The following VPS13B variants were observed in gnomAD, a reference collection of about 807,000 sequenced individuals.
The protein encoded by VPS13B is vacuolar protein sorting 13 homolog B, also known as intermembrane lipid transfer protein VPS13B.
Under a neutral mutation model 426.4 loss-of-function variants are expected in VPS13B, and 285 were observed. The observed-to-expected ratio is 0.67, with a 90% CI of 0.61 to 0.74. The LOEUF (loss-of-function observed/expected upper bound fraction) is 0.74, where lower values mean the gene tolerates loss of function less well. Among genes scored for constraint, VPS13B ranks in the 30% least tolerant of loss-of-function variants. The probability of loss-of-function intolerance (pLI) is 0.00; values close to 1 mark genes in which losing one functional copy is unlikely to be tolerated. For missense variants in VPS13B, 4,537 were observed against 4,782.6 expected, an observed-to-expected ratio of 0.95 and a Z score of 1.51; for synonymous variants, 1,676 against 1,676.4, an observed-to-expected ratio of 1.00 and a Z score of 0.01.
chr8:99,722,486 A>T (rs570457024), intron 39 of VPS13B, among the ~76,000 whole-genome samples: 1 of 151,542 alleles, frequency 6.6e-6, no homozygotes, highest in African/African-American at 2.4e-5. Flanking sequence ...AATATAAGTC[A>T]TATTACAATC....
At chr8:99,631,340 T>C (rs1330467115) in intron 33 of VPS13B, among the ~76,000 whole-genome samples, 1 of 152,128 alleles carries the variant, frequency 6.6e-6, no homozygotes, top group East Asian at 1.9e-4. Flanking sequence ...TAGAACATTG[T>C]CTCTAATCAT....
intron 17 of VPS13B, among the ~76,000 whole-genome samples, chr8:99,230,443 G>T (rs1816261173): frequency 1.3e-5 from 2 of 152,250 alleles, no homozygotes; most frequent in Non-Finnish European, 2.9e-5. Context: ...GGAAATTTTA[G>T]ATCTCATTCC....
rs71619347 is a variant in VPS13B, at chr8:99,427,229, T to C, written c.3083-4308T>C. On this transcript the variant is annotated intron_variant, in intron 21 of 61. Coordinates refer to ENST00000357162, the MANE Select transcript of VPS13B (RefSeq NM_152564.5). ...GTCAAAGATCAGATAGTTGTAGGTA[T>C]GCGGCATTATTTCTGAGGGCTCTGT... Among the ~76,000 whole-genome samples, 6 of 88,142 alleles carry C rather than the reference T, an allele frequency of 6.8e-5. No homozygotes were observed. The East Asian group carries it at 1.8e-3, about 27-fold the overall frequency. 57.8% of individuals were successfully genotyped at this position (88,142 alleles called of 152,430 possible).
intron 33 of VPS13B, among the ~76,000 whole-genome samples, chr8:99,636,567 A>G (rs1829078134): frequency 6.6e-6 from 1 of 152,036 alleles, no homozygotes; most frequent in Admixed American, 6.6e-5. Context: ...TCATATGTTA[A>G]GAGTACACAT....
At chr8:99,748,998 C>T (rs1395610794) in intron 39 of VPS13B, among the ~76,000 whole-genome samples, 1 of 151,758 alleles carries the variant, frequency 6.6e-6, no homozygotes, top group Non-Finnish European at 1.5e-5. Context: ...AAACTATATA[C>T]TCAGGAGTAT....
chr8:99,776,075 T>A (rs1811727248), intron 40 of VPS13B, among the ~76,000 whole-genome samples: 1 of 152,182 alleles, frequency 6.6e-6, no homozygotes, highest in African/African-American at 2.4e-5. Flanking sequence ...GAATATTGAC[T>A]GACTCCTATG....
rs532879522 is a variant in VPS13B, at chr8:99,510,559, G to A, written c.4225-545G>A. Among the ~76,000 whole-genome samples the A allele has an allele frequency of 2.0e-5, 3 of 152,284 alleles. No homozygotes were observed. The South Asian group carries it at 6.2e-4, about 32-fold the overall frequency. On this transcript the variant is annotated intron_variant, in intron 28 of 61. Coordinates refer to ENST00000357162, the MANE Select transcript of VPS13B (RefSeq NM_152564.5). ...ACTTTGTTGCCCAGGTTGGAGAGCC[G>A]TGGCTCAATCTCGGCTCACTGCAGC...
intron 2 of VPS13B, among the ~76,000 whole-genome samples, chr8:99,032,346 T>C (rs1420772296): frequency 6.6e-6 from 1 of 152,226 alleles, no homozygotes; most frequent in East Asian, 1.9e-4. Context: ...TGTTCACTTC[T>C]AATTTTTATT....
At chr8:99,643,381 A>C (rs1157796290) in intron 34 of VPS13B, among the ~76,000 whole-genome samples, 1 of 152,210 alleles carries the variant, frequency 6.6e-6, no homozygotes, top group Non-Finnish European at 1.5e-5. Flanking sequence ...CAATGTATCT[A>C]ATCTGGAATT....
chr8:99,689,635 T>C (rs1161423687), intron 35 of VPS13B, among the ~76,000 whole-genome samples: 3 of 152,122 alleles, frequency 2.0e-5, no homozygotes, highest in Admixed American at 6.5e-5. Context: ...CTGGGCAACA[T>C]AATGGGATCC....
intron 5 of VPS13B, among the ~76,000 whole-genome samples, chr8:99,104,650 G>C (rs7842277): frequency 4.6e-5 from 7 of 150,806 alleles, no homozygotes; most frequent in African/African-American, 1.7e-4. Context: ...TTGAGAAAGG[G>C]TCTCATTCTG....
In VPS13B at chr8:99,506,413, C is replaced by T. The variant is rs146311150; in HGVS notation, c.4158-724C>T. ...GTAATTTTTAATGTCATGAATATTA[C>T]GTATTATGTTGTACTTTATCCCTGA... On this transcript the variant is annotated intron_variant, in intron 27 of 61. Coordinates refer to ENST00000357162, the MANE Select transcript of VPS13B (RefSeq NM_152564.5). Among the ~76,000 whole-genome samples, 989 of 152,106 alleles carry T rather than the reference C, an allele frequency of 6.5e-3. 8 individuals are homozygous for T. The highest frequency in any genetic ancestry group is 0.022 in the African/African-American group (925 of 41,478).
intron 29 of VPS13B, among the ~76,000 whole-genome samples, chr8:99,519,497 G>C (rs1563773212): frequency 6.6e-6 from 1 of 152,088 alleles, no homozygotes; most frequent in Non-Finnish European, 1.5e-5. Flanking sequence ...AAAGACACAT[G>C]CACATGTATG....
intron 3 of VPS13B, among the ~76,000 whole-genome samples, chr8:99,076,524 A>G (rs1845131702): frequency 1.3e-5 from 2 of 151,602 alleles, no homozygotes; most frequent in African/African-American, 4.8e-5. Flanking sequence ...TGCTTTGTAT[A>G]TCTGAGCATT....
intron 33 of VPS13B, among the ~76,000 whole-genome samples, chr8:99,608,792 T>C (rs542171512): frequency 1.3e-5 from 2 of 152,312 alleles, no homozygotes; most frequent in Non-Finnish European, 2.9e-5. Context: ...TAGTGTAATG[T>C]CTATATTATT....
chr8:99,097,555 A>G (rs1397870547), intron 4 of VPS13B, among the ~76,000 whole-genome samples: 9 of 152,152 alleles, frequency 5.9e-5, no homozygotes, highest in Non-Finnish European at 1.3e-4. Flanking sequence ...TTTGGGCACT[A>G]AAAGGAGGGA....
intron 21 of VPS13B, among the ~76,000 whole-genome samples, chr8:99,425,900 T>G (rs902319579): frequency 1.3e-5 from 2 of 151,916 alleles, no homozygotes; most frequent in Non-Finnish European, 2.9e-5. Flanking sequence ...CATTCTGTTT[T>G]TTGTTTTTTG....
chr8:99,726,965 C>A (rs1456470825), intron 39 of VPS13B, among the ~76,000 whole-genome samples: 2 of 152,194 alleles, frequency 1.3e-5, no homozygotes, highest in Non-Finnish European at 2.9e-5. Context: ...CTCCAGTGGG[C>A]ATTTCTGATC....
At chr8:99,838,726 G>A (rs947135015) in intron 54 of VPS13B, among the ~76,000 whole-genome samples, 15 of 152,246 alleles carry the variant, frequency 9.9e-5, no homozygotes, top group African/African-American at 3.4e-4. Flanking sequence ...ATGCAGGAAA[G>A]GTACAGTTGT....
Sources: allele counts gnomAD v4.1 joint callset (sites outside exome capture counted in the v4.1 genomes callset), GRCh38; gene constraint gnomAD v4.1.1; transcripts MANE v1.5; gene names NCBI Gene and HGNC (gene_info 2026-07-23, HGNC 2026-07-21).